Variants in ARHGEF18 observed in about 807,000 individuals in gnomAD.
The protein encoded by ARHGEF18 is rho guanine nucleotide exchange factor 18.
Under a neutral mutation model 155.7 loss-of-function variants are expected in ARHGEF18, and 93 were observed. The observed-to-expected ratio is 0.60, with a 90% CI of 0.50 to 0.71. The LOEUF (loss-of-function observed/expected upper bound fraction) is 0.71. Ranked by LOEUF, ARHGEF18 falls within the 30% of genes least tolerant of loss-of-function variation. The probability of loss-of-function intolerance (pLI) is 0.00; values close to 1 mark genes in which losing one functional copy is unlikely to be tolerated. For synonymous variants in ARHGEF18, 742 were observed against 753.1 expected, an observed-to-expected ratio of 0.99 and a Z score of 0.24; for missense variants, 1,593 against 1,816.1, an observed-to-expected ratio of 0.88 and a Z score of 2.23.
At chr19:7,389,921 G>T (rs1971302207) in intron 10 of ARHGEF18, among the ~76,000 whole-genome samples, 1 of 152,158 alleles carries the variant, frequency 6.6e-6, no homozygotes, top group Non-Finnish European at 1.5e-5. Flanking sequence ...ATGATGTGGG[G>T]CCGGGCGCGG....
At chr19:7,392,454 C>A (rs1377016454) in intron 10 of ARHGEF18, 1 of 151,530 alleles carries the variant, frequency 6.6e-6, no homozygotes, top group Non-Finnish European at 1.5e-5. Context: ...AATCCCAGCA[C>A]TTTGGGAGGC....
chr19:7,367,756 A>AT lies in ARHGEF18; in HGVS notation c.15+4851_15+4852insT, dbSNP rs1555699262. ...AGTGAAACTCCATCTCAAAAAAAAA[A>AT]AAATATATATATATATACACATATA... On this transcript the variant is annotated intron_variant, in intron 2 of 28. Coordinates refer to ENST00000668164, the MANE Select transcript of ARHGEF18 (RefSeq NM_001367823.1). Among the ~76,000 whole-genome samples the AT allele has an allele frequency of 7.5e-3, 791 of 105,002 alleles. 111 individuals carry two copies. The highest frequency in any genetic ancestry group is 0.035 in the African/African-American group (619 of 17,908). 68.9% of individuals were successfully genotyped at this position (105,002 alleles called of 152,430 possible).
chr19:7,448,597 C>T (rs981302342), intron 15 of ARHGEF18, among the ~76,000 whole-genome samples: 1 of 151,376 alleles, frequency 6.6e-6, no homozygotes, highest in African/African-American at 2.4e-5. Flanking sequence ...GGAGGCGGAG[C>T]GTGCAGTGAG....
intron 15 of ARHGEF18, among the ~76,000 whole-genome samples, chr19:7,447,572 TAG>T (rs1975077042): frequency 6.6e-6 from 1 of 152,112 alleles, no homozygotes; most frequent in South Asian, 2.1e-4. Flanking sequence ...CACAGAATTG[TAG>T]AGTCTTGAGA....
At chr19:7,419,205 C>T in intron 10 of ARHGEF18, among the ~76,000 whole-genome samples, 1 of 143,500 alleles carries the variant, frequency 7.0e-6, no homozygotes, top group East Asian at 2.1e-4. Flanking sequence ...GGCCTCTGTA[C>T]CCCGATGTAC....
intron 10 of ARHGEF18, among the ~76,000 whole-genome samples, chr19:7,431,366 A>C (rs1166222400): frequency 6.6e-6 from 1 of 151,638 alleles, no homozygotes; most frequent in African/African-American, 2.4e-5. Flanking sequence ...AAAATATAAA[A>C]ATTAGCTGGG....
At chr19:7,375,043 G>A (rs1043541443) in intron 3 of ARHGEF18, among the ~76,000 whole-genome samples, 5 of 152,054 alleles carry the variant, frequency 3.3e-5, no homozygotes, top group Non-Finnish European at 7.4e-5. Context: ...AGGCAGAGTC[G>A]GGCGGATCAC....
chr19:7,456,315 C>G lies in ARHGEF18; in HGVS notation c.2105-12C>G. ...GACTTTTAAGATGCATCCTTCCATGCTGTTTTCCCAGATATCCTGGCTATC... is the reference window on the plus strand; with the variant it reads ...GACTTTTAAGATGCATCCTTCCATGGTGTTTTCCCAGATATCCTGGCTATC... On this transcript the variant is annotated splice_polypyrimidine_tract_variant and intron_variant, in intron 17 of 28. Transcript: ENST00000668164. 1.2e-6 allele frequency: 2 copies of G among 1,613,924 alleles called. No homozygotes were observed. Among genetic ancestry groups the G allele is most frequent in the African/African-American group, 1.3e-5 (1 of 75,050 alleles).
At chr19:7,455,442 G>A (rs575629960) in intron 17 of ARHGEF18, among the ~76,000 whole-genome samples, 38 of 152,270 alleles carry the variant, frequency 2.5e-4, no homozygotes, top group East Asian at 1.9e-4. Flanking sequence ...CCCTTGAAAC[G>A]CAGCTCAGGA....
chr19:7,383,915 G>C (rs1395180685), intron 10 of ARHGEF18, among the ~76,000 whole-genome samples: 1 of 152,066 alleles, frequency 6.6e-6, no homozygotes, highest in Non-Finnish European at 1.5e-5. Context: ...GGGGTGGTGA[G>C]GGAAAGAGTC....
chr19:7,385,164 G>A (rs750750997), intron 10 of ARHGEF18, among the ~76,000 whole-genome samples: 1 of 152,170 alleles, frequency 6.6e-6, no homozygotes, highest in Non-Finnish European at 1.5e-5. Flanking sequence ...GTTGGAAGTT[G>A]GAAGAGTAAA....
chr19:7,434,181 C>T (rs1272725542), intron 10 of ARHGEF18, among the ~76,000 whole-genome samples: 2 of 151,918 alleles, frequency 1.3e-5, no homozygotes, highest in Non-Finnish European at 2.9e-5. Context: ...TTTATAGAGA[C>T]AGGGTCTATG....
chr19:7,450,923 G>C, intron 15 of ARHGEF18, among the ~76,000 whole-genome samples: 1 of 150,372 alleles, frequency 6.7e-6, no homozygotes, highest in African/African-American at 2.4e-5. Context: ...GTTAATGCAG[G>C]ATCTTGCTGT....
intron 1 of ARHGEF18, among the ~76,000 whole-genome samples, chr19:7,359,271 G>T (rs1466604093): frequency 6.6e-6 from 1 of 152,210 alleles, no homozygotes; most frequent in East Asian, 1.9e-4. Context: ...GACAGAAGAT[G>T]GACTACAGGG....
chr19:7,448,350 A>G (rs1975133010), intron 15 of ARHGEF18, among the ~76,000 whole-genome samples: 2 of 152,154 alleles, frequency 1.3e-5, no homozygotes, highest in Admixed American at 1.3e-4. Flanking sequence ...CCCCGTCTTT[A>G]CTAAAAATAC....
In ARHGEF18 at chr19:7,440,509, C is replaced by G. The variant is rs547057092; in HGVS notation, c.1106+27C>G. On this transcript the variant is annotated intron_variant, in intron 11 of 28. Transcript: ENST00000668164. This position sits in a 1 kb window ranked among gnomAD's most constrained non-coding sequence, Gnocchi z 5.4. Reference sequence around the variant, plus strand: ...TAAGCCAGGGTCCCCTCTGTGCCCTCGGGTGGGTGGTGGCATTCCCCGGGG... The same window carrying G: ...TAAGCCAGGGTCCCCTCTGTGCCCTGGGGTGGGTGGTGGCATTCCCCGGGG... The G allele has an allele frequency of 1.3e-6, 2 of 1,574,136 alleles. No individual in the cohort carries two copies. The highest frequency in any genetic ancestry group is 4.5e-5 in the East Asian group (2 of 44,528).
At position 7,469,034 on chromosome 19, in the gene ARHGEF18, C is replaced by T. The variant is rs757817327; in HGVS notation, c.3690C>T (p.Ala1230=). Residue 1230 remains alanine (A), a synonymous_variant, in exon 27 of 29, where the codon GCC becomes GCT. Coordinates refer to ENST00000668164, the MANE Select transcript of ARHGEF18 (RefSeq NM_001367823.1). ...SATNQFQRQA[A]VQQQIPTKLA... ...CCAACCAGTTCCAGAGGCAGGCGGC[C>T]GTGCAGCAGCAGATCCCCACCAAGC... The T allele has an allele frequency of 7.5e-6, 12 of 1,602,436 alleles. No homozygotes were observed. Among genetic ancestry groups the T allele is most frequent in the South Asian group, 1.1e-5 (1 of 89,506 alleles).
chr19:7,431,801 C>T (rs1191880960), intron 10 of ARHGEF18, among the ~76,000 whole-genome samples: 4 of 152,194 alleles, frequency 2.6e-5, no homozygotes, highest in Admixed American at 6.5e-5. Context: ...GCAACAAGAG[C>T]GAAACTCCAG....
chr19:7,473,317 AGAT>A (rs1166764343), downstream of ARHGEF18: 1 of 455,500 alleles, frequency 2.2e-6, no homozygotes, highest in Middle Eastern at 3.3e-4. Context: ...TCCACCAGGA[AGAT>A]GATGCAGGCC....
Sources: gnomAD v4.1 joint callset for allele counts (sites outside exome capture counted in the v4.1 genomes callset) on GRCh38, gnomAD v4.1.1 for gene constraint, Gnocchi (gnomAD v3.1) non-coding constraint, MANE v1.5 for transcripts, NCBI Gene and HGNC (gene_info 2026-07-23, HGNC 2026-07-21) for gene names.